Variants in RNF17 observed in about 807,000 individuals in gnomAD.
The protein encoded by RNF17 is spermatogenesis associated 23.
In RNF17, 31 loss-of-function variants were observed where a neutral mutation model predicts 200.5. The observed-to-expected ratio is 0.15, with a 90% CI of 0.12 to 0.21. The LOEUF (loss-of-function observed/expected upper bound fraction) is 0.21, where lower values mean the gene tolerates loss of function less well. Ranked by LOEUF, RNF17 falls within the 10% of genes least tolerant of loss-of-function variation. RNF17 has a pLI of 1.00. For synonymous variants in RNF17, 606 were observed against 637.8 expected (o/e 0.95, Z 0.75); for missense variants, 1,628 against 1,905.1 (o/e 0.85, Z 2.71).
chr13:24,838,720 A>G (rs1284781745), intron 18 of RNF17, among the ~76,000 whole-genome samples: 1 of 152,186 alleles, frequency 6.6e-6, no homozygotes, highest in African/African-American at 2.4e-5. Context: ...CGTAATTCTG[A>G]ATGGGGAAAA....
chr13:24,873,241 A>G (rs1894486271), intron 32 of RNF17, among the ~76,000 whole-genome samples: 1 of 152,182 alleles, frequency 6.6e-6, no homozygotes, highest in Non-Finnish European at 1.5e-5. Flanking sequence ...TCTTAGGAAT[A>G]CAAGAACTAG....
chr13:24,883,085 C>G (rs1953907297), downstream of RNF17: 5 of 1,136,374 alleles, frequency 4.4e-6, no homozygotes, highest in Admixed American at 5.1e-5. Context: ...TTTCCCCACA[C>G]ATACACAATA....
At chr13:24,765,350 A>G (rs1175784461) in intron 1 of RNF17, among the ~76,000 whole-genome samples, 3 of 152,238 alleles carry the variant, frequency 2.0e-5, no homozygotes, top group Non-Finnish European at 2.9e-5. Flanking sequence ...AAAATACCTT[A>G]GTGTGCTCTT....
chr13:24,856,778 T>A (rs1417663750), intron 25 of RNF17, among the ~76,000 whole-genome samples: 1 of 152,218 alleles, frequency 6.6e-6, no homozygotes, highest in Non-Finnish European at 1.5e-5. Flanking sequence ...CTACTTTTAG[T>A]GTGTATACAA....
intron 3 of RNF17, among the ~76,000 whole-genome samples, chr13:24,775,651 G>GTATT (rs1249998786): frequency 6.6e-6 from 1 of 152,000 alleles, no homozygotes; most frequent in Non-Finnish European, 1.5e-5. Flanking sequence ...ATACCTTTGG[G>GTATT]GTTCTTTTAT....
At chr13:24,852,387 C>T (rs1435723176) in intron 24 of RNF17, among the ~76,000 whole-genome samples, 2 of 152,134 alleles carry the variant, frequency 1.3e-5, no homozygotes, top group Non-Finnish European at 2.9e-5. Context: ...ATCTGCCCGC[C>T]TTGGCCTCCC....
intron 15 of RNF17, chr13:24,824,182 G>A: frequency 1.4e-6 from 1 of 710,894 alleles, no homozygotes. Context: ...TGTAAACTTT[G>A]GATTGCTTTG....
At chr13:24,883,477 G>A (rs1187246780), downstream of RNF17, 1 of 819,500 alleles carries the variant, frequency 1.2e-6, no homozygotes, top group East Asian at 2.7e-5. Context: ...TACTTCTGGA[G>A]ACATCCCTTG....
intron 17 of RNF17, 96 bp from the exon 18 acceptor site, chr13:24,831,762 A>T (rs754963782): frequency 1.1e-4 from 117 of 1,070,026 alleles, no homozygotes; most frequent in Admixed American, 1.5e-4. Flanking sequence ...AAATTCAAAC[A>T]TAAAGATTAG....
intron 1 of RNF17, among the ~76,000 whole-genome samples, chr13:24,764,570 C>T (rs1381273733): frequency 6.6e-6 from 1 of 152,186 alleles, no homozygotes; most frequent in Non-Finnish European, 1.5e-5. Flanking sequence ...CAGGCCTCAC[C>T]GACCCTCCAG....
chr13:24,881,886 A>C, downstream of RNF17, among the ~76,000 whole-genome samples: 1 of 136,880 alleles, frequency 7.3e-6, no homozygotes, highest in African/African-American at 2.6e-5. Flanking sequence ...ATATAGATAT[A>C]TAGATACATC....
chr13:24,802,438 G>GC lies in RNF17; in HGVS notation c.1817dup (p.Val607CysfsTer7). The GC allele has an allele frequency of 6.2e-7, 1 of 1,613,876 alleles. No individual in the cohort carries two copies. The highest frequency in any genetic ancestry group is 8.5e-7 in the Non-Finnish European group (1 of 1,179,902). Reference sequence around the variant, plus strand: ...ATTTTTGAAAATGGTAAATAACAAGGCTGTTTCAATGAAAGTTTTTAGAGA... The same window carrying GC: ...ATTTTTGAAAATGGTAAATAACAAGGCCTGTTTCAATGAAAGTTTTTAGAGA... On this transcript the variant is annotated frameshift_variant, in exon 14 of 36. Transcript: ENST00000255324. LOFTEE classifies it high-confidence loss of function.
intron 3 of RNF17, among the ~76,000 whole-genome samples, chr13:24,775,457 C>A (rs1229907757): frequency 6.6e-6 from 1 of 152,018 alleles, no homozygotes; most frequent in East Asian, 1.9e-4. Flanking sequence ...CATTGTGTTG[C>A]CCAAGCTGGT....
At position 24,866,211 on chromosome 13, in the gene RNF17, A is replaced by G. The variant is rs1312643744; in HGVS notation, c.4161+8A>G. 5 of 1,501,434 alleles carry G rather than the reference A, an allele frequency of 3.3e-6. No homozygotes were observed. Among genetic ancestry groups the G allele is most frequent in the Non-Finnish European group, 4.6e-6 (5 of 1,082,408 alleles). The allele number at this position is 1,501,434 out of a possible 1,614,324, so 93.0% of individuals were successfully genotyped here. On this transcript the variant is annotated splice_region_variant and intron_variant, in intron 30 of 35. Transcript: ENST00000255324. ...TGGGAAATAAGGTTTGAGGTAAGTAACAATCCAAGTATTTTGGAAACTTTG... is the reference window on the plus strand; with the variant it reads ...TGGGAAATAAGGTTTGAGGTAAGTAGCAATCCAAGTATTTTGGAAACTTTG...
At chr13:24,825,919 G>A in intron 16 of RNF17, 147 bp downstream of exon 16, 1 of 1,396,798 alleles carries the variant, frequency 7.2e-7, no homozygotes. Context: ...TAGTGATAAT[G>A]TTGAAAGGTG....
chr13:24,754,953 A>G, the RNF17 span, among the ~76,000 whole-genome samples: 3 of 151,122 alleles, frequency 2.0e-5, no homozygotes, highest in East Asian at 5.8e-4. Flanking sequence ...TAATTTATAT[A>G]GTTACATAAT....
chr13:24,765,881 C>T (rs1306760567), intron 1 of RNF17, among the ~76,000 whole-genome samples: 1 of 152,168 alleles, frequency 6.6e-6, no homozygotes, highest in Non-Finnish European at 1.5e-5. Flanking sequence ...TGGTTGTAAG[C>T]AAGTTTCAGG....
chr13:24,801,942 C>T (rs2137735080), intron 13 of RNF17, among the ~76,000 whole-genome samples: 1 of 152,234 alleles, frequency 6.6e-6, no homozygotes, highest in East Asian at 1.9e-4. Context: ...TTCATAAAGA[C>T]TGCCCCTAAG....
chr13:24,878,705 C>G (rs1895119384), intron 34 of RNF17, among the ~76,000 whole-genome samples: 1 of 152,192 alleles, frequency 6.6e-6, no homozygotes, highest in African/African-American at 2.4e-5. Context: ...CTGCCTGTCT[C>G]CCAGCCAGCT....
Sources: allele counts gnomAD v4.1 joint callset (sites outside exome capture counted in the v4.1 genomes callset), GRCh38; gene constraint gnomAD v4.1.1; transcripts MANE v1.5; gene names NCBI Gene and HGNC (gene_info 2026-07-23, HGNC 2026-07-21).